RP1: variants seen among roughly 807,000 people sequenced by gnomAD.
The protein encoded by RP1 is RP1 axonemal microtubule associated.
RP1 carries 16 observed loss-of-function variants against 14.8 expected under a neutral mutation model. The ratio of observed to expected loss-of-function variants is 1.08; its 90% CI spans 0.73 to 1.65. The LOEUF is 1.65. Among genes scored for constraint, RP1 ranks in the 40% most tolerant of loss-of-function variants. The probability of loss-of-function intolerance (pLI) is 0.00; values close to 1 mark genes in which losing one functional copy is unlikely to be tolerated. For synonymous variants in RP1, 876 were observed against 883.6 expected (o/e 0.99, Z 0.15); for missense variants, 2,631 against 2,535.0 (o/e 1.04, Z -0.81).
intron 1 of RP1, among the ~76,000 whole-genome samples, chr8:54,571,397 T>C (rs1238076324): frequency 6.6e-6 from 1 of 152,160 alleles, no homozygotes; most frequent in African/African-American, 2.4e-5. Context: ...TCCTGGTGCC[T>C]AACATATCAT....
chr8:54,722,264 G>GT (rs113532231), intron 16 of RP1, among the ~76,000 whole-genome samples: 9,532 of 142,930 alleles, frequency 0.067, 959 homozygotes, highest in African/African-American at 0.21. Context: ...TTTTAGAATG[G>GT]TTTTTTTTTT....
In RP1 at chr8:54,857,019, A is replaced by T. The variant is rs573462434; in HGVS notation, c.3991-9A>T. 3.8e-6 allele frequency: 4 copies of T among 1,056,090 alleles called. No homozygotes were observed. In the African/African-American group the frequency reaches 4.9e-5, roughly 13 times the overall value. 65.4% of individuals were successfully genotyped at this position (1,056,090 alleles called of 1,614,324 possible). On this transcript the variant is annotated splice_polypyrimidine_tract_variant and intron_variant, in intron 26 of 28. Coordinates refer to the RP1 transcript ENST00000637698. Reference sequence around the variant, plus strand: ...TAATGGTCACTGAGTTTATTTCTTTATTGTACAGGTTGATATTTTTTCCAT... The same window carrying T: ...TAATGGTCACTGAGTTTATTTCTTTTTTGTACAGGTTGATATTTTTTCCAT...
intron 1 of RP1, among the ~76,000 whole-genome samples, chr8:54,610,700 C>G (rs1022058828): frequency 6.6e-6 from 1 of 152,184 alleles, no homozygotes; most frequent in Non-Finnish European, 1.5e-5. Flanking sequence ...TTTTATTGCT[C>G]TCATTCCCCA....
chr8:54,868,372 T>C (rs988195885), intron 28 of RP1, among the ~76,000 whole-genome samples: 1 of 152,216 alleles, frequency 6.6e-6, no homozygotes, highest in African/African-American at 2.4e-5. Flanking sequence ...ACTATAGCAA[T>C]ATAAACTGTT....
At chr8:54,698,373 A>C (rs1275193695) in intron 12 of RP1, among the ~76,000 whole-genome samples, 5 of 152,240 alleles carry the variant, frequency 3.3e-5, no homozygotes, top group Non-Finnish European at 7.3e-5. Context: ...CGATCATTAA[A>C]ATGTCAGGAA....
intron 1 of RP1, among the ~76,000 whole-genome samples, chr8:54,608,886 G>A (rs1471822709): frequency 2.6e-5 from 4 of 152,106 alleles, no homozygotes; most frequent in African/African-American, 7.2e-5. Context: ...GAAGATGGGG[G>A]CTGGGACTGT....
exon 7 of RP1, chr8:54,663,791 G>A: frequency 6.5e-7 from 1 of 1,535,264 alleles, no homozygotes; most frequent in Non-Finnish European, 8.7e-7. Context: ...GGAAAAGGGA[G>A]ATACAGGATC....
chr8:54,811,451 A>C (rs1471483078), intron 24 of RP1, among the ~76,000 whole-genome samples: 1 of 152,198 alleles, frequency 6.6e-6, no homozygotes, highest in Non-Finnish European at 1.5e-5. Flanking sequence ...TTTTAAGTCA[A>C]CATTTTCTAT....
At chr8:54,850,890 G>A (rs1377268173) in intron 25 of RP1, among the ~76,000 whole-genome samples, 3 of 152,172 alleles carry the variant, frequency 2.0e-5, no homozygotes, top group Non-Finnish European at 4.4e-5. Flanking sequence ...TCCAGGTGGG[G>A]TGGGTGGAAT....
chr8:54,698,141 A>G (rs1053635729), intron 12 of RP1, among the ~76,000 whole-genome samples: 1 of 152,248 alleles, frequency 6.6e-6, no homozygotes, highest in Non-Finnish European at 1.5e-5. Context: ...CAATCTACCC[A>G]TCTGACAAAG....
intron 6 of RP1, among the ~76,000 whole-genome samples, chr8:54,663,338 A>G (rs1045481523): frequency 5.3e-5 from 8 of 152,200 alleles, no homozygotes; most frequent in Non-Finnish European, 1.0e-4. Context: ...CCTTTAAGTG[A>G]AAAGGTGAAA....
chr8:54,716,248 T>C (rs1808400864), intron 15 of RP1, among the ~76,000 whole-genome samples: 1 of 152,206 alleles, frequency 6.6e-6, no homozygotes, highest in African/African-American at 2.4e-5. Context: ...GTGTGCTTAG[T>C]TTGACTGATG....
At chr8:54,711,274 ACTCAGAGG>A (rs1323209779) in intron 15 of RP1, among the ~76,000 whole-genome samples, 1 of 152,054 alleles carries the variant, frequency 6.6e-6, no homozygotes, top group Non-Finnish European at 1.5e-5. Context: ...TGCCTCCTAA[ACTCAGAGG>A]CTCAGAGGCT....
chr8:54,801,103 T>A (rs1810694036), intron 24 of RP1, among the ~76,000 whole-genome samples: 1 of 152,254 alleles, frequency 6.6e-6, no homozygotes, highest in Non-Finnish European at 1.5e-5. Flanking sequence ...TCAGTGTAAC[T>A]TCACGTTCCT....
At chr8:54,847,548 T>C (rs960879836) in intron 25 of RP1, among the ~76,000 whole-genome samples, 1 of 152,210 alleles carries the variant, frequency 6.6e-6, no homozygotes, top group African/African-American at 2.4e-5. Flanking sequence ...CATTTTAGAT[T>C]GTGCGATCTT....
rs1423610786 is a variant in RP1 at position 54,621,170 on chromosome 8, T to A, written c.204T>A (p.Asp68Glu). The change falls in exon 2 of 4, where the codon GAT becomes GAA. Residue 68 changes from aspartate to glutamate, a missense_variant. Transcript: ENST00000220676. Reference protein sequence around the residue: ...RSFKSFDALLDNLSRKVPLPF... With the variant: ...RSFKSFDALLENLSRKVPLPF... ...TTAAGTCCTTTGATGCTCTGCTGGA[T>A]AACTTGTCCAGGAAGGTGCCCCTCC... 1 of 1,614,060 alleles carries A rather than the reference T, an allele frequency of 6.2e-7. No homozygotes were observed. The highest frequency in any genetic ancestry group is 1.7e-5 in the Admixed American group (1 of 60,016).
At chr8:54,653,074 C>T (rs1806688777) in intron 5 of RP1, among the ~76,000 whole-genome samples, 2 of 152,046 alleles carry the variant, frequency 1.3e-5, no homozygotes, top group Non-Finnish European at 2.9e-5. Flanking sequence ...ATTCTTTCAC[C>T]TCTTTGCAAA....
intron 15 of RP1, among the ~76,000 whole-genome samples, chr8:54,717,816 T>A (rs746990414): frequency 2.0e-5 from 3 of 152,118 alleles, no homozygotes; most frequent in Non-Finnish European, 4.4e-5. Context: ...GGCTCACAGA[T>A]GATATTAGTC....
intron 1 of RP1, among the ~76,000 whole-genome samples, chr8:54,573,829 A>G (rs1173250498): frequency 2.0e-5 from 3 of 152,212 alleles, no homozygotes; most frequent in Non-Finnish European, 4.4e-5. Context: ...CAATGTTTAA[A>G]TGAAGAAAAC....
Sources: gnomAD v4.1 joint callset for allele counts (sites outside exome capture counted in the v4.1 genomes callset) on GRCh38, gnomAD v4.1.1 for gene constraint, MANE v1.5 for transcripts, NCBI Gene and HGNC (gene_info 2026-07-23, HGNC 2026-07-21) for gene names.